The following DENND1A variants were observed in gnomAD, a reference collection of about 807,000 sequenced individuals.
DENND1A encodes the protein DENN domain containing 1A.
DENND1A carries 51 observed loss-of-function variants against 113.7 expected under a neutral mutation model. That is an observed-to-expected ratio of 0.45 (90% confidence interval 0.36 to 0.57). The LOEUF is 0.57. Among genes scored for constraint, DENND1A ranks in the 20% least tolerant of loss-of-function variants. The pLI, the probability that DENND1A is intolerant of heterozygous loss-of-function variation, is 0.00. For missense variants in DENND1A, 1,258 were observed against 1,395.9 expected, an observed-to-expected ratio of 0.90 and a Z score of 1.57; for synonymous variants, 565 against 570.8, an observed-to-expected ratio of 0.99 and a Z score of 0.14.
At chr9:123,911,820 T>C (rs990367553) in intron 1 of DENND1A, among the ~76,000 whole-genome samples, 2 of 151,896 alleles carry the variant, frequency 1.3e-5, no homozygotes, top group Non-Finnish European at 2.9e-5. Context: ...CCTCCCAAGT[T>C]GCTGGGACTA....
chr9:123,808,150 C>T (rs990726189), intron 2 of DENND1A, among the ~76,000 whole-genome samples: 3 of 151,954 alleles, frequency 2.0e-5, no homozygotes, highest in African/African-American at 4.8e-5. Context: ...TGCTTGAACT[C>T]GGGGGTCAGA....
intron 21 of DENND1A, among the ~76,000 whole-genome samples, chr9:123,403,086 T>G (rs2043627041): frequency 6.6e-6 from 1 of 152,146 alleles, no homozygotes; most frequent in Admixed American, 6.5e-5. Context: ...GTTCTAACCC[T>G]CACCTACTGA....
intron 10 of DENND1A, among the ~76,000 whole-genome samples, chr9:123,617,405 A>C (rs2060707697): frequency 6.6e-6 from 1 of 152,112 alleles, no homozygotes; most frequent in South Asian, 2.1e-4. Context: ...CACGTGTATC[A>C]CTGGAGCTGA....
chr9:123,453,092 G>A (rs186337206), intron 16 of DENND1A, among the ~76,000 whole-genome samples: 1 of 152,192 alleles, frequency 6.6e-6, no homozygotes, highest in African/African-American at 2.4e-5. Flanking sequence ...TTTCATAGCT[G>A]TCCGTGAATC....
intron 8 of DENND1A, among the ~76,000 whole-genome samples, chr9:123,662,959 GA>G (rs946441441): frequency 1.3e-5 from 2 of 151,406 alleles, no homozygotes; most frequent in Non-Finnish European, 3.0e-5. Context: ...ATCTGTAACA[GA>G]AAAAAAATAA....
At chr9:123,689,350 T>C (rs575801842) in intron 5 of DENND1A, among the ~76,000 whole-genome samples, 4 of 152,314 alleles carry the variant, frequency 2.6e-5, no homozygotes, top group South Asian at 2.1e-4. Context: ...TAAACTCATA[T>C]AGGATTGAAT....
intron 5 of DENND1A, among the ~76,000 whole-genome samples, chr9:123,728,022 C>T (rs1438742679): frequency 1.3e-5 from 2 of 151,776 alleles, no homozygotes; most frequent in Non-Finnish European, 2.9e-5. Flanking sequence ...AGGAGAATGG[C>T]ATGAACCCAG....
At chr9:123,500,182 C>T (rs961641917) in intron 13 of DENND1A, among the ~76,000 whole-genome samples, 4 of 152,268 alleles carry the variant, frequency 2.6e-5, no homozygotes, top group Middle Eastern at 3.4e-3. Flanking sequence ...CAGGTTCCAT[C>T]GTTTGAACTA....
intron 8 of DENND1A, 78 bp downstream of exon 8, chr9:123,666,948 T>C: frequency 1.5e-6 from 2 of 1,315,904 alleles, no homozygotes; most frequent in Non-Finnish European, 2.1e-6. Flanking sequence ...TTAAATCACA[T>C]CCTTTATTTA....
chr9:123,754,620 T>C (rs1255686856), intron 5 of DENND1A, among the ~76,000 whole-genome samples: 1 of 152,246 alleles, frequency 6.6e-6, no homozygotes, highest in East Asian at 1.9e-4. Context: ...GTCTGGGAAC[T>C]ACTCAAGGAC....
chr9:123,558,761 T>C (rs1434047310), intron 12 of DENND1A, among the ~76,000 whole-genome samples: 2 of 152,254 alleles, frequency 1.3e-5, no homozygotes, highest in Admixed American at 1.3e-4. Context: ...CATCTCAAGA[T>C]GCCACGCTTC....
chr9:123,557,695 T>C lies in DENND1A; in HGVS notation c.868A>G (p.Ile290Val), dbSNP rs759059063. 11 of 1,613,476 alleles carry C rather than the reference T, an allele frequency of 6.8e-6. No homozygotes were observed. In the African/African-American group the frequency reaches 8.0e-5, roughly 12 times the overall value. ...DDLQSLPNDV[I>V]SSLKNRLKKV... is the part of the protein sequence containing the mutation. ...TTCAGCCTGTTCTTCAGGGAAGAGA[T>C]CTGGTGATGGAGAGAAGGAAAACAC... Residue 290 changes from isoleucine to valine, a missense_variant and splice_region_variant, in exon 13 of 24, where the codon ATC becomes GTC. Transcript: ENST00000394215.
chr9:123,597,873 G>A (rs1200756423), intron 11 of DENND1A, among the ~76,000 whole-genome samples: 1 of 152,094 alleles, frequency 6.6e-6, no homozygotes, highest in Non-Finnish European at 1.5e-5. Context: ...ATCATTCCAG[G>A]GAAGGTTTTC....
At chr9:123,603,765 A>T (rs567085822) in intron 11 of DENND1A, among the ~76,000 whole-genome samples, 2 of 152,344 alleles carry the variant, frequency 1.3e-5, no homozygotes, top group East Asian at 3.9e-4. Flanking sequence ...AAAACATAGA[A>T]GAAAAGACAC....
At chr9:123,715,037 G>A (rs1025733593) in intron 5 of DENND1A, among the ~76,000 whole-genome samples, 4 of 151,942 alleles carry the variant, frequency 2.6e-5, no homozygotes, top group Admixed American at 2.6e-4. Context: ...AAAAAAATTA[G>A]CCAGGCATGG....
intron 11 of DENND1A, among the ~76,000 whole-genome samples, chr9:123,595,780 C>T (rs1194613961): frequency 6.6e-6 from 1 of 152,132 alleles, no homozygotes; most frequent in Non-Finnish European, 1.5e-5. Context: ...ACAGAGTCCA[C>T]CATCAAGCAG....
intron 5 of DENND1A, chr9:123,752,090 A>G (rs933032580): frequency 2.0e-5 from 3 of 152,202 alleles, no homozygotes; most frequent in Admixed American, 1.3e-4. Context: ...CTAGAAGCAC[A>G]TTAGATTTTA....
chr9:123,527,936 T>G (rs546015194), intron 13 of DENND1A, among the ~76,000 whole-genome samples: 1 of 152,358 alleles, frequency 6.6e-6, no homozygotes, highest in East Asian at 1.9e-4. Flanking sequence ...TCTGTAAAAC[T>G]GATGTTGCTA....
In DENND1A at chr9:123,634,079, A is replaced by C. The variant is rs527782036; in HGVS notation, c.619-3603T>G. Reference sequence around the variant, plus strand: ...TTGATTATGTGACTCTTTTTAGGTTAAACTGGTTTGGGTCAAAAGCCTATT... The same window carrying C: ...TTGATTATGTGACTCTTTTTAGGTTCAACTGGTTTGGGTCAAAAGCCTATT... On this transcript the variant is annotated intron_variant, in intron 9 of 23. Transcript: ENST00000394215. Among the ~76,000 whole-genome samples the C allele has an allele frequency of 3.3e-5, 5 of 152,348 alleles. No individual in the cohort carries two copies. The South Asian group carries it at 8.3e-4, about 25-fold the overall frequency.
Sources: gnomAD v4.1 joint callset for allele counts (sites outside exome capture counted in the v4.1 genomes callset) on GRCh38, gnomAD v4.1.1 for gene constraint, MANE v1.5 for transcripts, NCBI Gene and HGNC (gene_info 2026-07-23, HGNC 2026-07-21) for gene names.